The following ZNF518A variants were observed in gnomAD, a reference collection of about 807,000 sequenced individuals.
ZNF518A encodes zinc finger protein 518.
ZNF518A carries 47 observed loss-of-function variants against 102.7 expected under a neutral mutation model. The observed-to-expected ratio is 0.46, with a 90% confidence interval of 0.36 to 0.58. ZNF518A has a LOEUF of 0.58. Among genes scored for constraint, ZNF518A ranks in the 20% least tolerant of loss-of-function variants. The pLI is 0.00. For missense variants in ZNF518A, 1,793 were observed against 1,699.8 expected (o/e 1.05, Z -0.96); for synonymous variants, 652 against 594.6 (o/e 1.10, Z -1.40).
chr10:96,131,463 G>A (rs782489347), intron 1 of ZNF518A, among the ~76,000 whole-genome samples: 1 of 152,148 alleles, frequency 6.6e-6, no homozygotes, highest in Non-Finnish European at 1.5e-5. Flanking sequence ...ATTGCGTTCT[G>A]TTAACACTTT....
intron 2 of ZNF518A, chr10:96,132,940 C>G (rs587594125): frequency 6.6e-6 from 1 of 152,098 alleles, no homozygotes; most frequent in East Asian, 2.0e-4. Flanking sequence ...GAATGAAACC[C>G]TTCTGTTCCC....
chr10:96,189,443 C>T, intron 1 of ZNF518A: 1 of 613,380 alleles, frequency 1.6e-6, no homozygotes, highest in Non-Finnish European at 3.1e-6. Flanking sequence ...AATTGATGAA[C>T]TTGGCTTCCA....
Position 96,157,212 on chromosome 10 carries a change from A to C in ZNF518A, c.890A>C (p.Lys297Thr). The change falls in exon 6 of 6, where the codon AAA (lysine) becomes ACA (threonine). Residue 297 changes from lysine (K) to threonine (T), a missense_variant. Transcript: ENST00000316045. The stretch of plus-strand genomic sequence containing the variant: ...TTATATGCAAAAGAAAAACTGGAAA[A>C]AGACAAATATGAAAAAAGAATGGCA... ...EHLYAKEKLE[K>T]DKYEKRMAKT... 1 of 1,609,726 alleles carries C rather than the reference A, an allele frequency of 6.2e-7. No homozygotes were observed. Among genetic ancestry groups the C allele is most frequent in the South Asian group, 1.1e-5 (1 of 90,098 alleles).
chr10:96,166,285 A>C (rs1554890336), downstream of ZNF518A, among the ~76,000 whole-genome samples: 1 of 152,204 alleles, frequency 6.6e-6, no homozygotes, highest in Non-Finnish European at 1.5e-5. Flanking sequence ...AGACACATTC[A>C]GAAATAATGT....
chr10:96,197,664 CA>C (rs1328998868), intron 1 of ZNF518A, among the ~76,000 whole-genome samples: 1 of 152,052 alleles, frequency 6.6e-6, no homozygotes, highest in Non-Finnish European at 1.5e-5. Context: ...GGTTGGGAAT[CA>C]AAACTTTCAT....
At chr10:96,193,820 G>A (rs1193443960) in intron 1 of ZNF518A, among the ~76,000 whole-genome samples, 4 of 152,144 alleles carry the variant, frequency 2.6e-5, no homozygotes, top group African/African-American at 9.7e-5. Flanking sequence ...TTCTAGCCAT[G>A]TACACACAAA....
At chr10:96,192,931 T>C (rs2083365357) in intron 1 of ZNF518A, among the ~76,000 whole-genome samples, 1 of 152,202 alleles carries the variant, frequency 6.6e-6, no homozygotes, top group Non-Finnish European at 1.5e-5. Context: ...TTACTATCAA[T>C]TGATTTTATT....
Position 96,157,070 on chromosome 10 carries a change from C to CAG in ZNF518A, c.750_751dup (p.Lys251ArgfsTer29). 1 of 1,613,652 alleles carries CAG rather than the reference C, an allele frequency of 6.2e-7. No homozygotes were observed. The highest frequency in any genetic ancestry group is 8.5e-7 in the Non-Finnish European group (1 of 1,179,722). ...TGTATGTTTTACCAAAGGAGAGCTT[C>CAG]AGAAGCACCTTCATATTCATTCTGG... is the stretch of plus-strand genomic sequence containing the variant. On this transcript the variant is annotated frameshift_variant, in exon 6 of 6. Transcript: ENST00000316045. LOFTEE classifies it high-confidence loss of function.
At chr10:96,143,029 A>G (rs1400092975) in intron 3 of ZNF518A, among the ~76,000 whole-genome samples, 2 of 152,056 alleles carry the variant, frequency 1.3e-5, no homozygotes, top group Admixed American at 6.5e-5. Context: ...GCTGTTCTTG[A>G]ACTCCTAACC....
Position 96,141,150 on chromosome 10 carries a change from C to G in ZNF518A, c.-302+7502C>G, listed in dbSNP as rs369045658. On this transcript the variant is annotated intron_variant, in intron 3 of 5. Coordinates refer to ENST00000316045, the MANE Select transcript of ZNF518A (RefSeq NM_001330736.2). Reference sequence around the variant, plus strand: ...GTTAGGCACTTGTGTACCCAGCCTTCTGGTTTTTGTGAGGGAAAAATGAGA... The same window carrying G: ...GTTAGGCACTTGTGTACCCAGCCTTGTGGTTTTTGTGAGGGAAAAATGAGA... Among the ~76,000 whole-genome samples, 4 of 152,240 alleles carry G rather than the reference C, an allele frequency of 2.6e-5. No homozygotes were observed. In the East Asian group the frequency reaches 7.7e-4, roughly 29 times the overall value.
At chr10:96,188,190 A>G (rs782437105) in intron 1 of ZNF518A, among the ~76,000 whole-genome samples, 15 of 152,230 alleles carry the variant, frequency 9.9e-5, no homozygotes, top group Non-Finnish European at 1.9e-4. Context: ...TACCACTTGC[A>G]GAGGTGGGCT....
intron 3 of ZNF518A, among the ~76,000 whole-genome samples, chr10:96,149,461 G>A (rs1360791130): frequency 6.6e-6 from 1 of 152,198 alleles, no homozygotes; most frequent in Non-Finnish European, 1.5e-5. Context: ...GACTTCTGTA[G>A]TGGGGAAACA....
chr10:96,143,501 A>G (rs77171227), intron 3 of ZNF518A, among the ~76,000 whole-genome samples: 1,598 of 152,142 alleles, frequency 0.011, 29 homozygotes, highest in African/African-American at 0.036. Context: ...AAGTCCTGCT[A>G]CTCTTTAAAG....
chr10:96,204,360 TAC>T (rs2083739793), downstream of ZNF518A: 1 of 803,716 alleles, frequency 1.2e-6, no homozygotes, highest in Admixed American at 2.0e-5. Context: ...TCTGCAACTC[TAC>T]ACAGTTATTT....
At position 96,200,129 on chromosome 10, in the gene ZNF518A, A is replaced by G. The variant is rs587691913; in HGVS notation, n.36-3445A>G. 16 of 1,614,180 alleles carry G rather than the reference A, an allele frequency of 9.9e-6. No individual in the cohort carries two copies. The Admixed American group carries it at 2.3e-4, about 24-fold the overall frequency. On this transcript the variant is annotated intron_variant and non_coding_transcript_variant, in intron 1 of 2. Coordinates refer to the ZNF518A transcript ENST00000442635. The surrounding 1 kb of genome is among the most constrained non-coding windows in gnomAD (Gnocchi z 4.3). ...CAGACTTTCGATCACAGGCTCCAGC[A>G]TACCATGGCTTGCAGAGAACGCCAG... is the stretch of plus-strand genomic sequence containing the variant.
intron 1 of ZNF518A, among the ~76,000 whole-genome samples, chr10:96,178,407 T>C (rs1436044211): frequency 1.3e-5 from 2 of 152,058 alleles, no homozygotes; most frequent in Non-Finnish European, 2.9e-5. Context: ...TTTAAGCGAA[T>C]GAAATTGAGA....
intron 3 of ZNF518A, among the ~76,000 whole-genome samples, chr10:96,139,319 A>G (rs2133233036): frequency 6.6e-6 from 1 of 152,258 alleles, no homozygotes; most frequent in Admixed American, 6.5e-5. Context: ...CCATACTCAA[A>G]TTGATACATT....
chr10:96,190,208 C>A (rs868910146), intron 1 of ZNF518A: 7 of 770,812 alleles, frequency 9.1e-6, no homozygotes, highest in Non-Finnish European at 9.3e-6. Context: ...CCATGTCCAT[C>A]GAATCTTCCA....
upstream of ZNF518A, chr10:96,130,267 A>C (rs1177402507): frequency 6.6e-6 from 1 of 152,354 alleles, no homozygotes; most frequent in African/African-American, 2.4e-5. Context: ...GCGCGAGTTA[A>C]ATAGTCCCGG....
Sources: gnomAD v4.1 joint callset for allele counts (sites outside exome capture counted in the v4.1 genomes callset) on GRCh38, gnomAD v4.1.1 for gene constraint, Gnocchi (gnomAD v3.1) non-coding constraint, MANE v1.5 for transcripts, NCBI Gene and HGNC (gene_info 2026-07-23, HGNC 2026-07-21) for gene names.